The following VAV2 variants were observed in gnomAD, a reference collection of about 807,000 sequenced individuals.
VAV2 encodes guanine nucleotide exchange factor VAV2.
VAV2 carries 67 observed loss-of-function variants against 132.5 expected under a neutral mutation model. The observed-to-expected ratio is 0.51, with a 90% CI of 0.42 to 0.62. The LOEUF is 0.62. VAV2 is among the 20% of genes least tolerant of loss of function. The probability of loss-of-function intolerance (pLI) is 0.00; values close to 1 mark genes in which losing one functional copy is unlikely to be tolerated. For missense variants in VAV2, 938 were observed against 1,153.6 expected, an observed-to-expected ratio of 0.81 and a Z score of 2.71; for synonymous variants, 492 against 443.5, an observed-to-expected ratio of 1.11 and a Z score of -1.37.
At position 133,883,629 on chromosome 9, in the gene VAV2, G is replaced by A. The variant is rs3858104; in HGVS notation, c.322-22197C>T. Among the ~76,000 whole-genome samples, 18,047 of 152,196 alleles carry A rather than the reference G, an allele frequency of 0.12. 1,297 individuals are homozygous for A. The highest frequency in any genetic ancestry group is 0.21 in the South Asian group (1,008 of 4,814). ...CCCAGCAGCAGGCAGGTTTCAGCTCGGCCGGAGCAGGCCCTCAGGCACTGG... is the reference window on the plus strand; with the variant it reads ...CCCAGCAGCAGGCAGGTTTCAGCTCAGCCGGAGCAGGCCCTCAGGCACTGG... On this transcript the variant is annotated intron_variant, in intron 2 of 29. Transcript: ENST00000371850. The surrounding 1 kb of genome is among the most constrained non-coding windows in gnomAD (Gnocchi z 4.2).
At position 133,790,641 on chromosome 9, in the gene VAV2, G is replaced by A. The variant is rs578209570; in HGVS notation, c.1188+1142C>T. ...GCCAGGTGCTGATGGTGCAGGGTGC[G>A]GCCGTCCTTGGCCTCCTCTGCACCC... On this transcript the variant is annotated intron_variant, in intron 13 of 29. Transcript: ENST00000371850. Among the ~76,000 whole-genome samples the A allele has an allele frequency of 1.1e-4, 17 of 152,326 alleles. No individual in the cohort carries two copies. In the South Asian group the frequency reaches 2.7e-3, roughly 24 times the overall value.
At chr9:133,984,776 C>G (rs1842799330) in intron 1 of VAV2, among the ~76,000 whole-genome samples, 1 of 151,898 alleles carries the variant, frequency 6.6e-6, no homozygotes, top group African/African-American at 2.4e-5. Flanking sequence ...AGCGTGGTGG[C>G]AAAAGCCTAT....
At chr9:133,770,839 CAG>C (rs1252291704) in intron 26 of VAV2, among the ~76,000 whole-genome samples, 1 of 152,170 alleles carries the variant, frequency 6.6e-6, no homozygotes, top group Non-Finnish European at 1.5e-5. Flanking sequence ...CTCCAAGTGA[CAG>C]AGAGCCATGC....
intron 1 of VAV2, among the ~76,000 whole-genome samples, chr9:133,971,786 GTCC>G (rs1842342288): frequency 6.6e-6 from 1 of 152,148 alleles, no homozygotes; most frequent in South Asian, 2.1e-4. Flanking sequence ...CACCACCCGG[GTCC>G]TGAATCACAA....
Position 133,788,289 on chromosome 9 carries a change from C to A in VAV2, c.1407+65G>T. 1 of 1,374,626 alleles carries A rather than the reference C, an allele frequency of 7.3e-7. No individual in the cohort carries two copies. Among genetic ancestry groups the A allele is most frequent in the South Asian group, 1.2e-5 (1 of 86,114 alleles). 85.2% of individuals were successfully genotyped at this position (1,374,626 alleles called of 1,614,324 possible). A position where few individuals can be genotyped will look rare whatever the true frequency, so the allele number is the denominator to read the frequency against. ...AGTCCCCTTCCCCTGGGGTCTGGAA[C>A]CCAGTGCCTCTCTCCAGGCCACCCC... On this transcript the variant is annotated intron_variant, in intron 15 of 29. Coordinates refer to ENST00000371850, the MANE Select transcript of VAV2 (RefSeq NM_001134398.2). The surrounding 1 kb of genome is among the most constrained non-coding windows in gnomAD (Gnocchi z 5.3).
intron 3 of VAV2, among the ~76,000 whole-genome samples, chr9:133,836,978 C>T (rs1050424744): frequency 5.3e-5 from 8 of 152,196 alleles, no homozygotes; most frequent in Non-Finnish European, 7.4e-5. Context: ...AACCCACCTG[C>T]CCTGCCAGGA....
rs1446865355 is a variant in VAV2 at position 133,783,494 on chromosome 9, G to GT, written c.1723+8_1723+9insA. ...GGGACTGGGGTGGGGGGGTGAGGGG[G>GT]GTACTCACTGAACTTGCAGGGAGGT... On this transcript the variant is annotated intron_variant, in intron 19 of 29. Transcript: ENST00000371850. The GT allele has an allele frequency of 2.5e-6, 4 of 1,610,976 alleles. No individual in the cohort carries two copies. Among genetic ancestry groups the GT allele is most frequent in the Admixed American group, 1.7e-5 (1 of 59,870 alleles).
At chr9:133,990,850 C>T (rs1008692617) in intron 1 of VAV2, among the ~76,000 whole-genome samples, 17 of 152,230 alleles carry the variant, frequency 1.1e-4, no homozygotes, top group Non-Finnish European at 7.4e-5. Flanking sequence ...TCTGAGGGCT[C>T]CTGCTAAGCC....
intron 4 of VAV2, among the ~76,000 whole-genome samples, chr9:133,819,836 A>G (rs1330387386): frequency 6.6e-6 from 1 of 152,242 alleles, no homozygotes; most frequent in African/African-American, 2.4e-5. Context: ...TTCATGACAC[A>G]CATATTCTAA....
In VAV2 at chr9:133,781,659, G is replaced by A. The variant is rs189670237; in HGVS notation, c.1724-949C>T. 6.1e-3 allele frequency among the ~76,000 whole-genome samples: 922 copies of A among 152,346 alleles called. 18 individuals are homozygous for A. The highest frequency in any genetic ancestry group is 0.039 in the Admixed American group (597 of 15,304). Reference sequence around the variant, plus strand: ...GGTGAAGGCTACAATGGTCAAAGGAGCACTTTCCAGAGCCAAACCCCAGAG... The same window carrying A: ...GGTGAAGGCTACAATGGTCAAAGGAACACTTTCCAGAGCCAAACCCCAGAG... On this transcript the variant is annotated intron_variant, in intron 19 of 29. Coordinates refer to ENST00000371850, the MANE Select transcript of VAV2 (RefSeq NM_001134398.2).
In VAV2 at chr9:133,794,861, AC is replaced by A. The variant is rs1834644256; in HGVS notation, c.1101+806del. 6.6e-6 allele frequency among the ~76,000 whole-genome samples: 1 copy of A among 152,178 alleles called. No homozygotes were observed. Among genetic ancestry groups the A allele is most frequent in the South Asian group, 2.1e-4 (1 of 4,828 alleles). The stretch of plus-strand genomic sequence containing the variant: ...AAGTGTGTCCAGGAGGAAGAGTGCC[AC>A]CCACGAGGAAGCCAGTTCCCTGAGG... On this transcript the variant is annotated intron_variant, in intron 12 of 29. Transcript: ENST00000371850. The surrounding 1 kb of genome is among the most constrained non-coding windows in gnomAD (Gnocchi z 4.6).
rs192934403 is a variant in VAV2 at position 133,826,643 on chromosome 9, C to A, written c.449+7629G>T. 1.9e-3 allele frequency among the ~76,000 whole-genome samples: 289 copies of A among 152,306 alleles called. 1 individual carries two copies. Among genetic ancestry groups the A allele is most frequent in the Non-Finnish European group, 3.2e-3 (219 of 68,010 alleles). On this transcript the variant is annotated intron_variant, in intron 4 of 29. Coordinates refer to ENST00000371850, the MANE Select transcript of VAV2 (RefSeq NM_001134398.2). The surrounding 1 kb of genome is among the most constrained non-coding windows in gnomAD (Gnocchi z 4.2). Reference sequence around the variant, plus strand: ...AGAGGCTCCAGGTCCAACCACCCCTCCCCCAGCCACCTAGGATGAAGCGGT... The same window carrying A: ...AGAGGCTCCAGGTCCAACCACCCCTACCCCAGCCACCTAGGATGAAGCGGT...
intron 2 of VAV2, among the ~76,000 whole-genome samples, chr9:133,876,496 C>T (rs927708758): frequency 6.6e-6 from 1 of 152,262 alleles, no homozygotes; most frequent in Non-Finnish European, 1.5e-5. Context: ...GGGCAGAGCC[C>T]ACGCACAGGC....
chr9:133,791,702 C>G, intron 13 of VAV2, 81 bp downstream of exon 13: 1 of 1,286,462 alleles, frequency 7.8e-7, no homozygotes, highest in Non-Finnish European at 1.1e-6. Context: ...ATGGAGCTCA[C>G]TCAATACTGG....
intron 3 of VAV2, among the ~76,000 whole-genome samples, chr9:133,847,233 G>T (rs1836967815): frequency 1.3e-5 from 2 of 152,204 alleles, no homozygotes; most frequent in South Asian, 4.1e-4. Context: ...CCATCCTGCA[G>T]CTGCCCCCTC....
chr9:133,905,312 T>C (rs1839605732), intron 2 of VAV2, among the ~76,000 whole-genome samples: 1 of 149,764 alleles, frequency 6.7e-6, no homozygotes, highest in Non-Finnish European at 1.5e-5. Flanking sequence ...GGCGGGCACC[T>C]GTAGTCCCAG....
intron 13 of VAV2, among the ~76,000 whole-genome samples, chr9:133,789,822 C>G (rs1834380617): frequency 6.6e-6 from 1 of 152,246 alleles, no homozygotes; most frequent in Non-Finnish European, 1.5e-5. Context: ...TTTTCGTTGT[C>G]TGTCTGGTTT....
rs573377377 is a variant in VAV2 at position 133,849,261 on chromosome 9, C to T, written c.380+12113G>A. Among the ~76,000 whole-genome samples the T allele has an allele frequency of 6.6e-5, 10 of 152,276 alleles. No homozygotes were observed. In the East Asian group the frequency reaches 1.2e-3, roughly 18 times the overall value. On this transcript the variant is annotated intron_variant, in intron 3 of 29. Transcript: ENST00000371850. Reference sequence around the variant, plus strand: ...CTGGGAAGGAGGAGGCCACTGACCCCGAAGGCTCACCCCTCATCCCTGCTA... The same window carrying T: ...CTGGGAAGGAGGAGGCCACTGACCCTGAAGGCTCACCCCTCATCCCTGCTA...
chr9:133,847,136 C>T (rs1193171768), intron 3 of VAV2, among the ~76,000 whole-genome samples: 1 of 152,218 alleles, frequency 6.6e-6, no homozygotes, highest in Non-Finnish European at 1.5e-5. Context: ...CATGCCTCAC[C>T]TCTGCCTTCC....
Sources: allele counts gnomAD v4.1 joint callset (sites outside exome capture counted in the v4.1 genomes callset), GRCh38; gene constraint gnomAD v4.1.1; non-coding constraint Gnocchi (gnomAD v3.1); transcripts MANE v1.5; gene names NCBI Gene and HGNC (gene_info 2026-07-23, HGNC 2026-07-21).